The following PKNOX2 variants were observed in gnomAD, a reference collection of about 807,000 sequenced individuals.
PKNOX2 encodes homeobox protein PKNOX2.
In PKNOX2, 14 loss-of-function variants were observed where a neutral mutation model predicts 53.1. The observed-to-expected ratio is 0.26, with a 90% CI of 0.17 to 0.41. PKNOX2 has a LOEUF of 0.41. Ranked by LOEUF, PKNOX2 falls within the 10% of genes least tolerant of loss-of-function variation. PKNOX2 has a pLI of 1.00. For synonymous variants in PKNOX2, 257 were observed against 242.8 expected (o/e 1.06, Z -0.54); for missense variants, 496 against 602.8 (o/e 0.82, Z 1.85).
intron 2 of PKNOX2, among the ~76,000 whole-genome samples, chr11:125,274,999 C>T (rs986856668): frequency 1.3e-5 from 2 of 152,178 alleles, no homozygotes; most frequent in Non-Finnish European, 2.9e-5. Context: ...TAGATGCCTA[C>T]TGTGTGCAAG....
At chr11:125,403,623 C>T (rs191619836) in intron 7 of PKNOX2, among the ~76,000 whole-genome samples, 43 of 152,198 alleles carry the variant, frequency 2.8e-4, no homozygotes, top group Non-Finnish European at 4.7e-4. Context: ...TGCTGGAGTC[C>T]GGGATGGGCT....
At chr11:125,341,528 G>A (rs890769009) in intron 3 of PKNOX2, among the ~76,000 whole-genome samples, 3 of 152,198 alleles carry the variant, frequency 2.0e-5, no homozygotes, top group Non-Finnish European at 4.4e-5. Flanking sequence ...CTTGTCTGCT[G>A]GGGGGAACAG....
chr11:125,405,086 T>C (rs905636885), intron 7 of PKNOX2, among the ~76,000 whole-genome samples: 1 of 152,204 alleles, frequency 6.6e-6, no homozygotes, highest in Admixed American at 6.5e-5. Flanking sequence ...TGGCTGGGGC[T>C]GGCTCCGCAC....
At position 125,312,949 on chromosome 11, in the gene PKNOX2, AG is replaced by A. The variant is rs371252607; in HGVS notation, c.-129-18868del. Among the ~76,000 whole-genome samples the A allele has an allele frequency of 1.3e-3, 192 of 152,340 alleles. 1 individual carries two copies. The highest frequency in any genetic ancestry group is 2.5e-3 in the African/African-American group (105 of 41,568). ...GCATTTAAAGATGAACAGAGGCATA[AG>A]GAAGGCCTTCGCTCGCATGCCGTGT... is the stretch of plus-strand genomic sequence containing the variant. On this transcript the variant is annotated intron_variant, in intron 2 of 12. Transcript: ENST00000298282.
At chr11:125,401,125 A>G (rs578002461) in intron 7 of PKNOX2, among the ~76,000 whole-genome samples, 1 of 152,298 alleles carries the variant, frequency 6.6e-6, no homozygotes, top group Non-Finnish European at 1.5e-5. Context: ...AAGGAGAAAT[A>G]GGAAGAAAAA....
intron 2 of PKNOX2, among the ~76,000 whole-genome samples, chr11:125,296,652 T>C (rs972960082): frequency 3.9e-5 from 6 of 152,206 alleles, no homozygotes; most frequent in East Asian, 1.9e-4. Context: ...ATTTTTATTT[T>C]TGGAGACAGA....
intron 1 of PKNOX2, among the ~76,000 whole-genome samples, chr11:125,220,834 G>A (rs924746142): frequency 6.6e-6 from 1 of 152,184 alleles, no homozygotes; most frequent in Non-Finnish European, 1.5e-5. Context: ...AGACACAACA[G>A]CAAAATCCTA....
intron 6 of PKNOX2, among the ~76,000 whole-genome samples, chr11:125,396,422 G>GT (rs1954404894): frequency 6.6e-6 from 1 of 151,974 alleles, no homozygotes; most frequent in Non-Finnish European, 1.5e-5. Context: ...TCAAGATTCA[G>GT]TTTTTTTGCA....
At chr11:125,297,922 A>G (rs990274439) in intron 2 of PKNOX2, among the ~76,000 whole-genome samples, 1 of 151,858 alleles carries the variant, frequency 6.6e-6, no homozygotes, top group African/African-American at 2.4e-5. Flanking sequence ...GCAAACCATA[A>G]CCCTTCTGAG....
chr11:125,169,236 C>G (rs1955107931), intron 1 of PKNOX2, among the ~76,000 whole-genome samples: 3 of 152,204 alleles, frequency 2.0e-5, no homozygotes, highest in Admixed American at 1.3e-4. Context: ...ATGAAATCAT[C>G]ATGAACCACC....
chr11:125,218,412 G>A (rs564798585), intron 1 of PKNOX2, among the ~76,000 whole-genome samples: 16 of 151,208 alleles, frequency 1.1e-4, no homozygotes, highest in Non-Finnish European at 1.6e-4. Flanking sequence ...AGTGATGGGG[G>A]GGGGACAGGA....
chr11:125,204,157 G>A (rs959622968), intron 1 of PKNOX2, among the ~76,000 whole-genome samples: 35 of 152,184 alleles, frequency 2.3e-4, no homozygotes, highest in African/African-American at 1.2e-4. Flanking sequence ...AGGTGAACAG[G>A]GTGAGAAGCA....
chr11:125,320,000 G>A (rs896764565), intron 2 of PKNOX2, among the ~76,000 whole-genome samples: 3 of 152,224 alleles, frequency 2.0e-5, no homozygotes, highest in African/African-American at 7.2e-5. Context: ...CTTGAAACAA[G>A]GGAGGTATGA....
At chr11:125,313,993 A>C (rs1374165749) in intron 2 of PKNOX2, among the ~76,000 whole-genome samples, 1 of 152,224 alleles carries the variant, frequency 6.6e-6, no homozygotes, top group Non-Finnish European at 1.5e-5. Flanking sequence ...TGCCAGGCAC[A>C]CAAGTGACCC....
At chr11:125,412,116 G>A (rs1328432550) in intron 10 of PKNOX2, among the ~76,000 whole-genome samples, 2 of 152,234 alleles carry the variant, frequency 1.3e-5, no homozygotes, top group Non-Finnish European at 2.9e-5. Flanking sequence ...GGGGTAATGG[G>A]GACAAGTGCA....
At chr11:125,346,713 G>A (rs1950987328) in intron 3 of PKNOX2, among the ~76,000 whole-genome samples, 1 of 151,764 alleles carries the variant, frequency 6.6e-6, no homozygotes, top group Non-Finnish European at 1.5e-5. Flanking sequence ...AGCATTCCTA[G>A]CGGCCCTCAT....
chr11:125,305,850 G>A (rs191292271), intron 2 of PKNOX2, among the ~76,000 whole-genome samples: 1 of 152,280 alleles, frequency 6.6e-6, no homozygotes, highest in East Asian at 1.9e-4. Context: ...TATTCCGGAG[G>A]CAGGAGACAC....
At chr11:125,297,440 A>G (rs967154545) in intron 2 of PKNOX2, among the ~76,000 whole-genome samples, 8 of 152,220 alleles carry the variant, frequency 5.3e-5, no homozygotes, top group Non-Finnish European at 1.0e-4. Context: ...AAAAGCTTAG[A>G]GCCATGTGCG....
rs1954877964 is a variant in PKNOX2 at position 125,166,369 on chromosome 11, CT to C, written c.-201+1594del. ...AGCCCCGAATTTTTGCTGCTTCCCC[CT>C]GAAAGTGTTTCTTTAGGAGGAGAGG... On this transcript the variant is annotated intron_variant, in intron 1 of 12. Coordinates refer to ENST00000298282, the MANE Select transcript of PKNOX2 (RefSeq NM_001382323.2). This position sits in a 1 kb window ranked among gnomAD's most constrained non-coding sequence, Gnocchi z 4.0. Among the ~76,000 whole-genome samples, 1 of 152,196 alleles carries C rather than the reference CT, an allele frequency of 6.6e-6. No homozygotes were observed. The highest frequency in any genetic ancestry group is 6.5e-5 in the Admixed American group (1 of 15,284).
Sources: allele counts gnomAD v4.1 joint callset (sites outside exome capture counted in the v4.1 genomes callset), GRCh38; gene constraint gnomAD v4.1.1; non-coding constraint Gnocchi (gnomAD v3.1); transcripts MANE v1.5; gene names NCBI Gene and HGNC (gene_info 2026-07-23, HGNC 2026-07-21).